Variants in CTNNA3 observed in about 807,000 individuals in gnomAD.
The protein encoded by CTNNA3 is catenin alpha-3.
A neutral mutation model predicts 95.7 loss-of-function variants in CTNNA3; 76 were observed. The observed-to-expected ratio is 0.79, with a 90% confidence interval of 0.66 to 0.96. CTNNA3 has a LOEUF of 0.96. Ranked by LOEUF, CTNNA3 falls within the 40% of genes least tolerant of loss-of-function variation. CTNNA3 has a pLI of 0.00. For synonymous variants in CTNNA3, 431 were observed against 374.4 expected, an observed-to-expected ratio of 1.15 and a Z score of -1.74; for missense variants, 1,191 against 1,089.8, an observed-to-expected ratio of 1.09 and a Z score of -1.31.
chr10:67,173,993 T>C (rs1398748566), intron 7 of CTNNA3, among the ~76,000 whole-genome samples: 3 of 152,186 alleles, frequency 2.0e-5, no homozygotes, highest in Non-Finnish European at 2.9e-5. Flanking sequence ...GATGTAACCT[T>C]TAGGGACTTT....
intron 7 of CTNNA3, among the ~76,000 whole-genome samples, chr10:67,038,763 TG>T (rs1854218124): frequency 6.6e-6 from 1 of 152,114 alleles, no homozygotes; most frequent in African/African-American, 2.4e-5. Context: ...GAGTTCAATA[TG>T]AGATATTTTT....
intron 7 of CTNNA3, among the ~76,000 whole-genome samples, chr10:67,124,289 T>C (rs573056022): frequency 2.4e-4 from 36 of 151,538 alleles, no homozygotes; most frequent in African/African-American, 7.5e-4. Context: ...TCTTCTCGCT[T>C]CCTCTAGTTC....
In CTNNA3 at chr10:67,691,506, C is replaced by T. The variant is rs1009657810; in HGVS notation, c.-6+4494G>A. 3.9e-5 allele frequency among the ~76,000 whole-genome samples: 6 copies of T among 152,012 alleles called. No individual in the cohort carries two copies. In the South Asian group the frequency reaches 8.3e-4, roughly 21 times the overall value. On this transcript the variant is annotated intron_variant, in intron 1 of 17. Transcript: ENST00000433211. ...AGTGAGGAGCGTCTCTGCCCGGCCG[C>T]CCATCGTCTGAGATGTGGGGAGCAC...
intron 10 of CTNNA3, among the ~76,000 whole-genome samples, chr10:66,614,556 A>C (rs191787709): frequency 1.3e-5 from 2 of 152,074 alleles, no homozygotes; most frequent in East Asian, 3.9e-4. Context: ...TTTCTTCCCT[A>C]CTTATCAACA....
intron 7 of CTNNA3, among the ~76,000 whole-genome samples, chr10:67,086,815 G>C (rs1162151176): frequency 6.6e-6 from 1 of 151,822 alleles, no homozygotes; most frequent in East Asian, 1.9e-4. Flanking sequence ...TGTTATGTTT[G>C]TTTGCTTTAT....
At chr10:66,443,894 C>G (rs908624863) in intron 11 of CTNNA3, among the ~76,000 whole-genome samples, 1 of 152,076 alleles carries the variant, frequency 6.6e-6, no homozygotes, top group Non-Finnish European at 1.5e-5. Context: ...GGAGGAAATT[C>G]AAACCAATGG....
intron 10 of CTNNA3, among the ~76,000 whole-genome samples, chr10:66,547,965 G>A (rs1309264562): frequency 6.6e-6 from 1 of 151,294 alleles, no homozygotes; most frequent in Non-Finnish European, 1.5e-5. Context: ...GCTCAGGCTG[G>A]AGTGCAATGG....
At chr10:66,337,525 G>A (rs1028950746) in intron 12 of CTNNA3, among the ~76,000 whole-genome samples, 1 of 152,000 alleles carries the variant, frequency 6.6e-6, no homozygotes, top group African/African-American at 2.4e-5. Context: ...CCTCTAAGGT[G>A]ATAAGAGGAA....
intron 11 of CTNNA3, among the ~76,000 whole-genome samples, chr10:66,441,227 TG>T (rs200248819): frequency 0.26 from 40,200 of 152,020 alleles, 5,461 homozygotes; most frequent in South Asian, 0.39. Context: ...GTTGCTTTTC[TG>T]ATGGTGCTTG....
chr10:65,987,632 T>C (rs1447985469), intron 16 of CTNNA3, among the ~76,000 whole-genome samples: 1 of 151,916 alleles, frequency 6.6e-6, no homozygotes, highest in East Asian at 1.9e-4. Context: ...AAACTACTAC[T>C]AATAAACTAA....
At chr10:67,463,093 G>A (rs982528440) in intron 5 of CTNNA3, among the ~76,000 whole-genome samples, 2 of 151,660 alleles carry the variant, frequency 1.3e-5, no homozygotes, top group Admixed American at 6.6e-5. Context: ...CAGTAGAGAC[G>A]GGGTTTAACC....
Position 66,587,318 on chromosome 10 carries a change from C to T in CTNNA3, c.1374+34374G>A, listed in dbSNP as rs184696612. Among the ~76,000 whole-genome samples, 596 of 152,274 alleles carry T rather than the reference C, an allele frequency of 3.9e-3. 3 individuals carry two copies. Among genetic ancestry groups the T allele is most frequent in the Non-Finnish European group, 6.0e-3 (408 of 68,036 alleles). Reference sequence around the variant, plus strand: ...GTTTTAATGGGCTGTGCCGGTTGGCCTCCAGCCAGTAGGTCATGGCTTGTA... The same window carrying T: ...GTTTTAATGGGCTGTGCCGGTTGGCTTCCAGCCAGTAGGTCATGGCTTGTA... On this transcript the variant is annotated intron_variant, in intron 10 of 17. Coordinates refer to ENST00000433211, the MANE Select transcript of CTNNA3 (RefSeq NM_013266.4).
chr10:66,517,479 T>G (rs1377488215), intron 11 of CTNNA3, among the ~76,000 whole-genome samples: 1 of 151,760 alleles, frequency 6.6e-6, no homozygotes, highest in Non-Finnish European at 1.5e-5. Context: ...GCCACAAGAG[T>G]GACCTCTGCT....
At chr10:66,504,144 C>T (rs1840372156) in intron 11 of CTNNA3, among the ~76,000 whole-genome samples, 1 of 152,100 alleles carries the variant, frequency 6.6e-6, no homozygotes, top group Non-Finnish European at 1.5e-5. Context: ...TAATAGATCT[C>T]TTGAACTTAT....
intron 11 of CTNNA3, among the ~76,000 whole-genome samples, chr10:66,415,041 G>A (rs1316870778): frequency 1.3e-5 from 2 of 152,116 alleles, no homozygotes; most frequent in Non-Finnish European, 2.9e-5. Flanking sequence ...CATCATCACT[G>A]AAGCTGGTAC....
At chr10:67,435,069 C>A (rs896324580) in intron 5 of CTNNA3, among the ~76,000 whole-genome samples, 1 of 151,974 alleles carries the variant, frequency 6.6e-6, no homozygotes, top group Non-Finnish European at 1.5e-5. Flanking sequence ...TAAAGCATTT[C>A]TTTTTGTTAT....
intron 2 of CTNNA3, among the ~76,000 whole-genome samples, chr10:67,633,796 A>G (rs12767941): frequency 6.6e-6 from 1 of 152,162 alleles, no homozygotes; most frequent in African/African-American, 2.4e-5. Context: ...AGTGAAAAGG[A>G]AAAAACAAAA....
intron 7 of CTNNA3, 139 bp from the exon 8 acceptor site, chr10:66,775,663 T>C (rs1432826596): frequency 1.7e-6 from 1 of 602,364 alleles, no homozygotes; most frequent in African/African-American, 1.9e-5. Context: ...ATATGATTCA[T>C]GAGCATTTCA....
chr10:66,833,599 C>G (rs1842797687), intron 7 of CTNNA3, among the ~76,000 whole-genome samples: 1 of 152,272 alleles, frequency 6.6e-6, no homozygotes, highest in South Asian at 2.1e-4. Context: ...TACTCACCAT[C>G]AACAAGCTAA....
Sources: gnomAD v4.1 joint callset for allele counts (sites outside exome capture counted in the v4.1 genomes callset) on GRCh38, gnomAD v4.1.1 for gene constraint, MANE v1.5 for transcripts, NCBI Gene and HGNC (gene_info 2026-07-23, HGNC 2026-07-21) for gene names.